XRN1: variants seen among roughly 807,000 people sequenced by gnomAD.
The protein encoded by XRN1 is 5'-3' exoribonuclease 1, also known as strand-exchange protein 1 homolog.
A neutral mutation model predicts 222.3 loss-of-function variants in XRN1; 67 were observed. That is an observed-to-expected ratio of 0.30 (90% CI 0.25 to 0.37). The LOEUF is 0.37. XRN1 is among the 10% of genes least tolerant of loss of function. XRN1 has a pLI of 1.00. For missense variants in XRN1, 1,707 were observed against 2,000.2 expected (o/e 0.85, Z 2.80); for synonymous variants, 643 against 652.4 (o/e 0.99, Z 0.22).
intron 1 of XRN1, among the ~76,000 whole-genome samples, chr3:142,437,256 A>G (rs1268559764): frequency 1.3e-5 from 2 of 152,116 alleles, no homozygotes; most frequent in Non-Finnish European, 2.9e-5. Flanking sequence ...TCACTGAGGT[A>G]TTTTTCTTTT....
chr3:142,346,009 G>A (rs1304334794), intron 33 of XRN1, among the ~76,000 whole-genome samples: 1 of 152,150 alleles, frequency 6.6e-6, no homozygotes, highest in Non-Finnish European at 1.5e-5. Context: ...ACCACTATAT[G>A]ACTCAGTAAT....
intron 36 of XRN1, among the ~76,000 whole-genome samples, chr3:142,331,007 G>C (rs2107915208): frequency 6.6e-6 from 1 of 152,166 alleles, no homozygotes; most frequent in Middle Eastern, 3.4e-3. Context: ...TAGTAGAAAG[G>C]GGGTTTCACC....
chr3:142,429,713 T>C (rs544299016), intron 2 of XRN1: 1 of 152,316 alleles, frequency 6.6e-6, no homozygotes, highest in South Asian at 2.1e-4. Flanking sequence ...ACCAGGTAGG[T>C]TAGAAAGTTC....
chr3:142,329,628 A>G lies in XRN1; in HGVS notation c.4223-13T>C. The G allele has an allele frequency of 6.5e-7, 1 of 1,527,886 alleles. No individual in the cohort carries two copies. Among genetic ancestry groups the G allele is most frequent in the Non-Finnish European group, 8.7e-7 (1 of 1,149,848 alleles). The allele number at this position is 1,527,886 out of a possible 1,614,324, so 94.6% of individuals were successfully genotyped here. ...TTCATATAAGATGCTACCAAAAAAG[A>G]GAAAAGAGTCTATCTTTATTAATAA... On this transcript the variant is annotated splice_polypyrimidine_tract_variant and intron_variant, in intron 36 of 40. Transcript: ENST00000392981.
intron 37 of XRN1, among the ~76,000 whole-genome samples, chr3:142,319,664 C>G (rs940483518): frequency 4.6e-5 from 7 of 152,064 alleles, no homozygotes; most frequent in African/African-American, 1.4e-4. Flanking sequence ...TCCCTCACAT[C>G]CCTCTTAACC....
intron 20 of XRN1, among the ~76,000 whole-genome samples, chr3:142,385,621 C>T (rs1334446425): frequency 6.6e-6 from 1 of 152,072 alleles, no homozygotes. Context: ...GTCTACAAAG[C>T]CTAAAATATT....
chr3:142,313,760 G>A (rs566504630), intron 39 of XRN1, among the ~76,000 whole-genome samples: 15 of 152,250 alleles, frequency 9.9e-5, no homozygotes, highest in South Asian at 2.1e-4. Flanking sequence ...TAGGCGAGGC[G>A]CAGTGGCTCA....
At chr3:142,432,554 C>T (rs913733659) in intron 2 of XRN1, 107 bp downstream of exon 2, 18 of 1,069,516 alleles carry the variant, frequency 1.7e-5, no homozygotes, top group African/African-American at 3.2e-5. Context: ...GGGGAGTTTA[C>T]GCAGAAAATA....
intron 25 of XRN1, among the ~76,000 whole-genome samples, chr3:142,371,992 A>G (rs904280374): frequency 3.3e-5 from 5 of 152,216 alleles, no homozygotes; most frequent in African/African-American, 4.8e-5. Flanking sequence ...GGGGAAGTCA[A>G]TAAGAAGCAA....
At chr3:142,408,882 C>T (rs2068454087) in intron 15 of XRN1, among the ~76,000 whole-genome samples, 1 of 152,110 alleles carries the variant, frequency 6.6e-6, no homozygotes, top group Admixed American at 6.5e-5. Flanking sequence ...AAGTTTTTTC[C>T]ATTCAACTGG....
chr3:142,420,010 G>T (rs1014967485), intron 10 of XRN1, among the ~76,000 whole-genome samples: 5 of 151,874 alleles, frequency 3.3e-5, no homozygotes, highest in Non-Finnish European at 7.4e-5. Context: ...GTGCTATTAG[G>T]CTGGCACAAA....
chr3:142,370,389 T>A, intron 27 of XRN1, 96 bp downstream of exon 27: 1 of 1,384,394 alleles, frequency 7.2e-7, no homozygotes, highest in South Asian at 1.4e-5. Flanking sequence ...ACTAAGTATA[T>A]GTTTTATTTG....
intron 39 of XRN1, among the ~76,000 whole-genome samples, chr3:142,315,267 T>C (rs929477416): frequency 6.6e-6 from 1 of 152,064 alleles, no homozygotes; most frequent in African/African-American, 2.4e-5. Context: ...TTTGTTACTG[T>C]ACTGCACTGG....
At chr3:142,313,172 A>G in intron 39 of XRN1, 1 of 1,612,710 alleles carries the variant, frequency 6.2e-7, no homozygotes, top group Non-Finnish European at 8.5e-7. Flanking sequence ...TAGTGATCCC[A>G]GCCTACAAAA....
At chr3:142,395,547 GTCTC>G (rs1420653828) in intron 20 of XRN1, among the ~76,000 whole-genome samples, 1 of 152,098 alleles carries the variant, frequency 6.6e-6, no homozygotes, top group Non-Finnish European at 1.5e-5. Flanking sequence ...AGATCTCTTG[GTCTC>G]TCTCTCACAG....
intron 2 of XRN1, among the ~76,000 whole-genome samples, chr3:142,430,201 T>C (rs558576393): frequency 2.6e-5 from 4 of 152,330 alleles, no homozygotes; most frequent in African/African-American, 7.2e-5. Context: ...AGTTATCCCT[T>C]ACGGCTCACC....
intron 15 of XRN1, among the ~76,000 whole-genome samples, chr3:142,405,675 C>G (rs1411261125): frequency 6.6e-6 from 1 of 151,948 alleles, no homozygotes. Flanking sequence ...GACCCACAGA[C>G]CAGAAGAACA....
chr3:142,381,713 T>A (rs1189105536), intron 22 of XRN1, among the ~76,000 whole-genome samples: 1 of 151,944 alleles, frequency 6.6e-6, no homozygotes, highest in Non-Finnish European at 1.5e-5. Context: ...ATTACATGCA[T>A]ATGCCACCAT....
Position 142,432,896 on chromosome 3 carries a change from G to A in XRN1, c.76-3C>T, listed in dbSNP as rs199627216. The A allele has an allele frequency of 1.6e-5, 25 of 1,585,098 alleles. No homozygotes were observed. The East Asian group carries it at 5.6e-4, about 36-fold the overall frequency. ...TACAAGTTGTCAAATTCAGGAATCTGAAAAACAAAGAAAAATGCTTGAGAT... is the reference window on the plus strand; with the variant it reads ...TACAAGTTGTCAAATTCAGGAATCTAAAAAACAAAGAAAAATGCTTGAGAT... On this transcript the variant is annotated splice_region_variant and splice_polypyrimidine_tract_variant and intron_variant, in intron 1 of 40. Transcript: ENST00000392981.
Sources: gnomAD v4.1 joint callset for allele counts (sites outside exome capture counted in the v4.1 genomes callset) on GRCh38, gnomAD v4.1.1 for gene constraint, MANE v1.5 for transcripts, NCBI Gene and HGNC (gene_info 2026-07-23, HGNC 2026-07-21) for gene names.